SCARA5: variants seen among roughly 807,000 people sequenced by gnomAD.
SCARA5 encodes the protein scavenger receptor class A member 5.
In SCARA5, 45 loss-of-function variants were observed where a neutral mutation model predicts 46.3. The ratio of observed to expected loss-of-function variants is 0.97; its 90% CI spans 0.76 to 1.24. The LOEUF (loss-of-function observed/expected upper bound fraction) is 1.24, where lower values mean the gene tolerates loss of function less well. Ranked by LOEUF, SCARA5 falls within the 50% of genes most tolerant of loss-of-function variation. SCARA5 has a pLI of 0.00. For synonymous variants in SCARA5, 333 were observed against 306.5 expected, an observed-to-expected ratio of 1.09 and a Z score of -0.90; for missense variants, 680 against 689.0, an observed-to-expected ratio of 0.99 and a Z score of 0.15.
chr8:27,897,920 ATTAGTGGCCCTG>A (rs914165246), intron 7 of SCARA5, among the ~76,000 whole-genome samples: 3 of 152,214 alleles, frequency 2.0e-5, no homozygotes, highest in Non-Finnish European at 4.4e-5. Flanking sequence ...GAATACAAAT[ATTAGTGGCCCTG>A]TTAATGACCT....
At chr8:27,882,088 C>T (rs573760741) in intron 7 of SCARA5, among the ~76,000 whole-genome samples, 7 of 152,168 alleles carry the variant, frequency 4.6e-5, no homozygotes, top group Admixed American at 3.3e-4. Context: ...TCACTTTCTC[C>T]GTAGTTTTGC....
chr8:27,943,952 T>G (rs900693433), intron 3 of SCARA5, among the ~76,000 whole-genome samples: 2 of 152,148 alleles, frequency 1.3e-5, no homozygotes, highest in African/African-American at 4.8e-5. Flanking sequence ...CTTAACCAAA[T>G]TTACCATTAC....
At chr8:27,899,421 A>G (rs1246862274) in intron 7 of SCARA5, among the ~76,000 whole-genome samples, 1 of 152,240 alleles carries the variant, frequency 6.6e-6, no homozygotes, top group East Asian at 1.9e-4. Context: ...GCATCTTCTC[A>G]GGAAATGTTT....
intron 2 of SCARA5, among the ~76,000 whole-genome samples, chr8:27,981,922 A>G (rs1230762133): frequency 6.6e-6 from 1 of 152,036 alleles, no homozygotes; most frequent in Non-Finnish European, 1.5e-5. Context: ...AGCCCCTCCC[A>G]GGAAATCCAT....
intron 2 of SCARA5, among the ~76,000 whole-genome samples, chr8:27,974,901 T>G (rs1436796552): frequency 7.8e-6 from 1 of 128,656 alleles, no homozygotes; most frequent in Non-Finnish European, 1.7e-5. Flanking sequence ...TATATCATCC[T>G]GGTCATCATC....
intron 3 of SCARA5, among the ~76,000 whole-genome samples, chr8:27,950,750 A>C (rs1350307384): frequency 6.6e-6 from 1 of 152,156 alleles, no homozygotes; most frequent in Non-Finnish European, 1.5e-5. Flanking sequence ...TGAGACACTT[A>C]GCAATGCCTC....
chr8:27,943,561 G>A (rs957891900), intron 3 of SCARA5, among the ~76,000 whole-genome samples: 1 of 152,216 alleles, frequency 6.6e-6, no homozygotes, highest in Non-Finnish European at 1.5e-5. Context: ...AGAAGCCTAA[G>A]CTGTGGTGCT....
intron 8 of SCARA5, among the ~76,000 whole-genome samples, chr8:27,876,384 G>A (rs1188155363): frequency 6.6e-6 from 1 of 152,170 alleles, no homozygotes; most frequent in Non-Finnish European, 1.5e-5. Context: ...AGAACGACGA[G>A]GTGGGGACAG....
chr8:27,924,081 C>CA (rs1482331649), intron 3 of SCARA5, among the ~76,000 whole-genome samples: 1 of 152,008 alleles, frequency 6.6e-6, no homozygotes, highest in Non-Finnish European at 1.5e-5. Context: ...AGGTATGCTA[C>CA]AAATCCTGAG....
intron 3 of SCARA5, among the ~76,000 whole-genome samples, chr8:27,955,326 C>T (rs1212499475): frequency 6.6e-6 from 1 of 152,194 alleles, no homozygotes; most frequent in African/African-American, 2.4e-5. Context: ...GGCCACCCTA[C>T]CCCCAGTTCC....
At chr8:27,885,384 C>T (rs573943867) in intron 7 of SCARA5, among the ~76,000 whole-genome samples, 2 of 152,194 alleles carry the variant, frequency 1.3e-5, no homozygotes, top group Non-Finnish European at 2.9e-5. Flanking sequence ...AACAGGGCCC[C>T]TTCTAGGTAC....
intron 2 of SCARA5, among the ~76,000 whole-genome samples, chr8:27,971,504 C>T (rs1420914295): frequency 6.6e-6 from 1 of 152,238 alleles, no homozygotes; most frequent in Non-Finnish European, 1.5e-5. Context: ...TCATGATTAA[C>T]AGGTTGTCTG....
Position 27,871,758 on chromosome 8 carries a change from T to G in SCARA5, c.*176A>C. The G allele has an allele frequency of 6.9e-7, 1 of 1,443,384 alleles. No homozygotes were observed. The highest frequency in any genetic ancestry group is 9.1e-7 in the Non-Finnish European group (1 of 1,100,694). 89.4% of individuals were successfully genotyped at this position (1,443,384 alleles called of 1,614,324 possible). A position where few individuals can be genotyped will look rare whatever the true frequency, so the allele number is the denominator to read the frequency against. On this transcript the variant is annotated 3_prime_UTR_variant, in exon 9 of 9. Coordinates refer to ENST00000354914, the MANE Select transcript of SCARA5 (RefSeq NM_173833.6). ...TCCCAGAGTTATACTTCGGAGCACATGTTCAAGAGGGAAATGACGACCGGC... is the reference window on the plus strand; with the variant it reads ...TCCCAGAGTTATACTTCGGAGCACAGGTTCAAGAGGGAAATGACGACCGGC...
chr8:27,924,942 A>T (rs1807657389), intron 3 of SCARA5, among the ~76,000 whole-genome samples: 1 of 152,214 alleles, frequency 6.6e-6, no homozygotes, highest in Non-Finnish European at 1.5e-5. Flanking sequence ...GATGTGAAGG[A>T]CCTCTTCAAG....
At chr8:27,892,737 C>G (rs111602822) in intron 7 of SCARA5, among the ~76,000 whole-genome samples, 8,686 of 151,998 alleles carry the variant, frequency 0.057, 328 homozygotes, top group Non-Finnish European at 0.085. Context: ...TCCCGAGTAG[C>G]TGGGACCACA....
chr8:27,985,694 C>G (rs558386292), intron 2 of SCARA5, among the ~76,000 whole-genome samples: 2 of 152,138 alleles, frequency 1.3e-5, no homozygotes, highest in Admixed American at 6.5e-5. Context: ...TACACTGAGG[C>G]CCACAGAGGC....
rs549591696 is a variant in SCARA5, at chr8:27,927,493, G to GT, written c.242-5249dup. Reference sequence around the variant, plus strand: ...TCAATCTTTATAATTTGATTTCTGGGTTTTTTCCCACCTAATATTATTATT... The same window carrying GT: ...TCAATCTTTATAATTTGATTTCTGGGTTTTTTTCCCACCTAATATTATTATT... On this transcript the variant is annotated intron_variant, in intron 3 of 8. Coordinates refer to ENST00000354914, the MANE Select transcript of SCARA5 (RefSeq NM_173833.6). Among the ~76,000 whole-genome samples, 16 of 152,054 alleles carry GT rather than the reference G, an allele frequency of 1.1e-4. No individual in the cohort carries two copies. In the East Asian group the frequency reaches 2.7e-3, roughly 26 times the overall value.
At chr8:27,960,000 C>T (rs1220275363) in intron 3 of SCARA5, among the ~76,000 whole-genome samples, 1 of 152,182 alleles carries the variant, frequency 6.6e-6, no homozygotes, top group Non-Finnish European at 1.5e-5. Context: ...CTCCAGGCTT[C>T]CCTGTGTGTT....
At chr8:27,964,563 G>A (rs920482617) in intron 3 of SCARA5, among the ~76,000 whole-genome samples, 21 of 152,034 alleles carry the variant, frequency 1.4e-4, no homozygotes, top group Admixed American at 3.3e-4. Flanking sequence ...CATACTGGAC[G>A]GCACTACTTG....
Sources: allele counts gnomAD v4.1 joint callset (sites outside exome capture counted in the v4.1 genomes callset), GRCh38; gene constraint gnomAD v4.1.1; transcripts MANE v1.5; gene names NCBI Gene and HGNC (gene_info 2026-07-23, HGNC 2026-07-21).